The following MGAT5 variants were observed in gnomAD, a reference collection of about 807,000 sequenced individuals.
The protein encoded by MGAT5 is alpha-1,6-mannosylglycoprotein 6-beta-N-acetylglucosaminyltransferase A.
In MGAT5, 30 loss-of-function variants were observed where a neutral mutation model predicts 94.3. The ratio of observed to expected loss-of-function variants is 0.32; its 90% CI spans 0.24 to 0.43. The LOEUF is 0.43. MGAT5 is among the 20% of genes least tolerant of loss of function. The pLI, the probability that MGAT5 is intolerant of heterozygous loss-of-function variation, is 1.00. For synonymous variants in MGAT5, 310 were observed against 322.9 expected, an observed-to-expected ratio of 0.96 and a Z score of 0.43; for missense variants, 691 against 905.5, an observed-to-expected ratio of 0.76 and a Z score of 3.04.
At chr2:134,172,217 T>A (rs1409212433) in intron 1 of MGAT5, among the ~76,000 whole-genome samples, 1 of 152,138 alleles carries the variant, frequency 6.6e-6, no homozygotes, top group Non-Finnish European at 1.5e-5. Flanking sequence ...CATCATGGTG[T>A]CAGTGGAAGG....
intron 9 of MGAT5, among the ~76,000 whole-genome samples, chr2:134,355,367 C>T (rs1464116602): frequency 2.0e-5 from 3 of 152,022 alleles, no homozygotes; most frequent in African/African-American, 7.2e-5. Flanking sequence ...AGACTCTACT[C>T]AGATTTGAAA....
At chr2:134,428,523 C>CA in intron 14 of MGAT5, 84 bp downstream of exon 14, 2 of 1,245,512 alleles carry the variant, frequency 1.6e-6, no homozygotes, top group South Asian at 2.5e-5. Flanking sequence ...TTTAAGAGCT[C>CA]ACTGTGTTTC....
At chr2:134,266,520 T>C (rs1683729173) in intron 1 of MGAT5, among the ~76,000 whole-genome samples, 2 of 152,222 alleles carry the variant, frequency 1.3e-5, no homozygotes, top group Admixed American at 1.3e-4. Flanking sequence ...CGCGCCAGCC[T>C]GTTATTTCTT....
intron 10 of MGAT5, among the ~76,000 whole-genome samples, chr2:134,401,084 T>C (rs1302534000): frequency 6.7e-6 from 1 of 148,262 alleles, no homozygotes; most frequent in Admixed American, 6.7e-5. Context: ...ATTCTTCTTC[T>C]ACTCCTCTTT....
intron 1 of MGAT5, among the ~76,000 whole-genome samples, chr2:134,174,823 C>T (rs1688382728): frequency 6.6e-6 from 1 of 152,238 alleles, no homozygotes; most frequent in South Asian, 2.1e-4. Flanking sequence ...GCCTCTTGAG[C>T]CGCTTGATGG....
chr2:134,453,805 A>C lies in MGAT5; in HGVS notation c.*4958A>C, dbSNP rs1686219928. 6.6e-6 allele frequency: 1 copy of C among 152,114 alleles called. No homozygotes were observed. 9.4% of individuals were successfully genotyped at this position (152,114 alleles called of 1,614,324 possible). On this transcript the variant is annotated 3_prime_UTR_variant, in exon 16 of 16. Coordinates refer to ENST00000281923, the MANE Select transcript of MGAT5 (RefSeq NM_002410.5). ...GCTCCTAGAGGCTGCTCATGACTGA[A>C]TGTTTTCCCAAATCACCTAAATATC...
chr2:134,355,417 T>A (rs1055717387), intron 9 of MGAT5, among the ~76,000 whole-genome samples: 1 of 152,240 alleles, frequency 6.6e-6, no homozygotes. Context: ...AAGTGGCTAG[T>A]TCCTAAGTCA....
At position 134,289,709 on chromosome 2, in the gene MGAT5, A is replaced by C. The variant is rs1025544846; in HGVS notation, c.406+19159A>C. ...GCTGAACACCTGCATTCCTTCTGGG[A>C]GTCTGGAATCTTGGCACATGTTAGG... is the stretch of plus-strand genomic sequence containing the variant. On this transcript the variant is annotated intron_variant, in intron 2 of 15. Transcript: ENST00000281923. Among the ~76,000 whole-genome samples, 35 of 152,210 alleles carry C rather than the reference A, an allele frequency of 2.3e-4. 1 individual carries two copies. Among genetic ancestry groups the C allele is most frequent in the Admixed American group, 1.8e-3 (27 of 15,280 alleles).
intron 10 of MGAT5, among the ~76,000 whole-genome samples, chr2:134,387,058 T>G (rs529252523): frequency 1.3e-5 from 2 of 151,808 alleles, no homozygotes; most frequent in African/African-American, 4.8e-5. Flanking sequence ...GGTCAGGAGT[T>G]TGAGACCAGC....
intron 1 of MGAT5, among the ~76,000 whole-genome samples, chr2:134,201,815 G>GTTTT: frequency 1.1e-5 from 1 of 88,784 alleles, no homozygotes; most frequent in Non-Finnish European, 2.2e-5. Flanking sequence ...GCCAAGCGCT[G>GTTTT]CTTTTTTTTT....
intron 1 of MGAT5, among the ~76,000 whole-genome samples, chr2:134,260,676 A>G (rs1463652110): frequency 1.3e-5 from 2 of 151,422 alleles, no homozygotes; most frequent in African/African-American, 4.9e-5. Flanking sequence ...TGGTCAAGGA[A>G]TAGGAATGGT....
rs681148 is a variant in MGAT5 at position 134,449,363 on chromosome 2, C to T, written c.*516C>T. 80,558 of 169,060 alleles carry T rather than the reference C, an allele frequency of 0.48. 20,481 individuals carry two copies. Among genetic ancestry groups the T allele is most frequent in the Admixed American group, 0.64 (11,400 of 17,886 alleles). The allele number at this position is 169,060 out of a possible 1,614,324, so 10.5% of individuals were successfully genotyped here. A position where few individuals can be genotyped will look rare whatever the true frequency, so the allele number is the denominator to read the frequency against. ...TGTTCTGTCTGCTTTGGGCAGGGTG[C>T]AGGAGAGAGACCGTGTGCCGTGGGG... On this transcript the variant is annotated 3_prime_UTR_variant, in exon 16 of 16. Transcript: ENST00000281923.
chr2:134,229,008 A>AT (rs954712370), intron 1 of MGAT5, among the ~76,000 whole-genome samples: 1 of 152,146 alleles, frequency 6.6e-6, no homozygotes, highest in Admixed American at 6.5e-5. Flanking sequence ...AGTTCCTTGC[A>AT]TTACTTCTTA....
chr2:134,407,264 T>G (rs1242268693), intron 11 of MGAT5, among the ~76,000 whole-genome samples: 1 of 152,170 alleles, frequency 6.6e-6, no homozygotes, highest in Non-Finnish European at 1.5e-5. Flanking sequence ...TCTGTTTCTA[T>G]TACAGATACT....
rs150272537 is a variant in MGAT5 at position 134,186,076 on chromosome 2, T to C, written c.-143+65785T>C. 5.1e-3 allele frequency among the ~76,000 whole-genome samples: 772 copies of C among 152,312 alleles called. 6 individuals carry two copies. The highest frequency in any genetic ancestry group is 0.018 in the African/African-American group (731 of 41,574). ...CATAGCATGACTTACTGTTTGCAAC[T>C]TGAGGGAAAGAAAGCAAGAGAGAAG... On this transcript the variant is annotated intron_variant, in intron 1 of 16. Transcript: ENST00000409645.
chr2:134,153,061 G>A (rs565127455), intron 1 of MGAT5, among the ~76,000 whole-genome samples: 1 of 152,086 alleles, frequency 6.6e-6, no homozygotes, highest in African/African-American at 2.4e-5. Flanking sequence ...GTGCCACCAC[G>A]CCCGGCTAAT....
intron 1 of MGAT5, among the ~76,000 whole-genome samples, chr2:134,233,757 A>T (rs548466525): frequency 3.2e-4 from 49 of 152,206 alleles, no homozygotes; most frequent in Non-Finnish European, 5.4e-4. Flanking sequence ...TAGACATTTT[A>T]CAGATAAGGA....
intron 4 of MGAT5, among the ~76,000 whole-genome samples, chr2:134,320,929 GA>G (rs1687278373): frequency 6.6e-6 from 1 of 152,118 alleles, no homozygotes; most frequent in Non-Finnish European, 1.5e-5. Flanking sequence ...TTTTTTGGGG[GA>G]AGGGGGACAA....
chr2:134,139,006 A>G (rs1686543937), intron 1 of MGAT5, among the ~76,000 whole-genome samples: 1 of 152,204 alleles, frequency 6.6e-6, no homozygotes, highest in Admixed American at 6.5e-5. Context: ...CTGCAAATGA[A>G]TTGGTAAGGC....
Sources: gnomAD v4.1 joint callset for allele counts (sites outside exome capture counted in the v4.1 genomes callset) on GRCh38, gnomAD v4.1.1 for gene constraint, MANE v1.5 for transcripts, NCBI Gene and HGNC (gene_info 2026-07-23, HGNC 2026-07-21) for gene names.